DPH6: variants seen among roughly 807,000 people sequenced by gnomAD.
DPH6 encodes diphthamine biosynthesis 6.
Under a neutral mutation model 38.2 loss-of-function variants are expected in DPH6, and 33 were observed. That is an observed-to-expected ratio of 0.86 (90% confidence interval 0.65 to 1.15). DPH6 has a LOEUF of 1.15. Ranked by LOEUF, DPH6 falls within the 50% of genes most tolerant of loss-of-function variation. The pLI, the probability that DPH6 is intolerant of heterozygous loss-of-function variation, is 0.00. For missense variants in DPH6, 325 were observed against 320.0 expected, an observed-to-expected ratio of 1.02 and a Z score of -0.12; for synonymous variants, 108 against 103.0, an observed-to-expected ratio of 1.05 and a Z score of -0.30.
the DPH6 span, among the ~76,000 whole-genome samples, chr15:35,166,260 C>T: frequency 1.3e-5 from 2 of 151,816 alleles, no homozygotes; most frequent in Non-Finnish European, 2.9e-5. Flanking sequence ...AACTAACAGG[C>T]CTTCCTAGGC....
At chr15:35,428,356 A>T (rs2053594061) in intron 5 of DPH6, among the ~76,000 whole-genome samples, 1 of 152,174 alleles carries the variant, frequency 6.6e-6, no homozygotes, top group African/African-American at 2.4e-5. Context: ...GAAATTATCT[A>T]ATGGAGGCAA....
intron 3 of DPH6, among the ~76,000 whole-genome samples, chr15:35,254,734 A>G (rs2622754): frequency 0.61 from 91,689 of 150,702 alleles, 29,276 homozygotes; most frequent in Non-Finnish European, 0.73. Context: ...TGTTTATTTC[A>G]CCTGGGTGCA....
chr15:35,361,020 T>A (rs1196637020), intron 3 of DPH6, among the ~76,000 whole-genome samples: 2 of 152,172 alleles, frequency 1.3e-5, no homozygotes, highest in Admixed American at 1.3e-4. Flanking sequence ...TTTGTTGGCC[T>A]TCTAATGAAG....
chr15:35,293,167 G>A (rs2051990944), intron 3 of DPH6, among the ~76,000 whole-genome samples: 1 of 152,162 alleles, frequency 6.6e-6, no homozygotes. Context: ...GCAGCTTTCT[G>A]TGTAATTAAC....
At chr15:35,240,521 C>T (rs1208027965) in intron 3 of DPH6, among the ~76,000 whole-genome samples, 1 of 143,282 alleles carries the variant, frequency 7.0e-6, no homozygotes, top group African/African-American at 2.5e-5. Context: ...ATCTTTTTAT[C>T]GCCTCCCCTC....
intron 3 of DPH6, among the ~76,000 whole-genome samples, chr15:35,260,994 A>G (rs1216402186): frequency 6.6e-6 from 1 of 152,164 alleles, no homozygotes; most frequent in African/African-American, 2.4e-5. Context: ...CCATTCTTAT[A>G]GTTATTCATG....
At chr15:35,444,967 A>C (rs907472355) in intron 5 of DPH6, among the ~76,000 whole-genome samples, 1 of 152,210 alleles carries the variant, frequency 6.6e-6, no homozygotes, top group African/African-American at 2.4e-5. Flanking sequence ...ACTGTGGTAC[A>C]TTAGTAAAAT....
At chr15:35,533,621 T>C (rs2055120974) in intron 3 of DPH6, among the ~76,000 whole-genome samples, 2 of 151,916 alleles carry the variant, frequency 1.3e-5, no homozygotes, top group South Asian at 4.1e-4. Flanking sequence ...TAGTTATCTT[T>C]AGATTGCTGT....
intron 3 of DPH6, among the ~76,000 whole-genome samples, chr15:35,332,659 A>G (rs2052334741): frequency 1.3e-5 from 2 of 152,176 alleles, no homozygotes; most frequent in Non-Finnish European, 2.9e-5. Context: ...GTACTTAGTA[A>G]TATTCAATAA....
intron 3 of DPH6, among the ~76,000 whole-genome samples, chr15:35,479,402 G>T (rs752248286): frequency 1.3e-5 from 2 of 152,190 alleles, no homozygotes; most frequent in African/African-American, 2.4e-5. Context: ...TTTTAGTCAA[G>T]AATTAATCTG....
chr15:35,524,362 A>C (rs2054967626), intron 3 of DPH6, among the ~76,000 whole-genome samples: 1 of 152,128 alleles, frequency 6.6e-6, no homozygotes, highest in Admixed American at 6.6e-5. Flanking sequence ...TTATTCTGAG[A>C]GCTCTGAAAC....
At chr15:35,499,385 A>G (rs1243083847) in intron 3 of DPH6, among the ~76,000 whole-genome samples, 2 of 152,046 alleles carry the variant, frequency 1.3e-5, no homozygotes, top group Non-Finnish European at 2.9e-5. Flanking sequence ...TTACAAATGC[A>G]TTATTGGGCT....
chr15:35,434,049 G>A (rs776123419), intron 5 of DPH6, among the ~76,000 whole-genome samples: 3 of 152,100 alleles, frequency 2.0e-5, no homozygotes, highest in Non-Finnish European at 2.9e-5. Context: ...GCATCTTGCC[G>A]TGAAAATGTT....
rs2140994166 is a variant in DPH6 at position 35,410,858 on chromosome 15, G to A, written c.544C>T (p.Gln182Ter). The change falls in exon 6 of 9, where the codon CAA (glutamine) becomes TAA (stop). Residue 182 changes from glutamine to a stop codon, truncating the protein, a stop_gained. Transcript: ENST00000256538. LOFTEE classifies it high-confidence loss of function. ...PDKHLGKTLD[Q>*]MEPYLIELSK... is the part of the protein sequence containing the mutation. ...ACCTCTATGAGATAAGGCTCCATTT[G>A]ATCCAGGGTTTTCCCAAGATGCTTA... 1 of 1,604,040 alleles carries A rather than the reference G, an allele frequency of 6.2e-7. No homozygotes were observed. The highest frequency in any genetic ancestry group is 8.5e-7 in the Non-Finnish European group (1 of 1,175,114).
chr15:35,420,135 T>C (rs1013780776), intron 5 of DPH6, among the ~76,000 whole-genome samples: 4 of 152,028 alleles, frequency 2.6e-5, no homozygotes, highest in African/African-American at 4.8e-5. Flanking sequence ...GGAAGAATCA[T>C]GGAAAATTGA....
intron 5 of DPH6, among the ~76,000 whole-genome samples, chr15:35,439,170 T>G (rs959537687): frequency 7.2e-5 from 11 of 152,330 alleles, no homozygotes; most frequent in South Asian, 4.1e-4. Context: ...AGGGTTGATA[T>G]TAATAGCTGA....
At chr15:35,494,207 A>G (rs1411000123) in intron 3 of DPH6, among the ~76,000 whole-genome samples, 2 of 152,154 alleles carry the variant, frequency 1.3e-5, no homozygotes, top group African/African-American at 4.8e-5. Context: ...AGTTATTATT[A>G]CTATTTAATA....
In DPH6 at chr15:35,467,573, C is replaced by G. The variant is rs563041213; in HGVS notation, c.313-12753G>C. On this transcript the variant is annotated intron_variant, in intron 3 of 8. Transcript: ENST00000256538. The stretch of plus-strand genomic sequence containing the variant: ...AGGGTGAGACTCCATCTCGAACAAA[C>G]AAAGAAACAAAACAAACAAAAAAAA... Among the ~76,000 whole-genome samples, 103 of 152,204 alleles carry G rather than the reference C, an allele frequency of 6.8e-4. 2 individuals carry two copies. Among genetic ancestry groups the G allele is most frequent in the Middle Eastern group, 3.4e-3 (1 of 294 alleles).
At chr15:35,289,701 A>G (rs966785966) in intron 3 of DPH6, among the ~76,000 whole-genome samples, 2 of 152,250 alleles carry the variant, frequency 1.3e-5, no homozygotes, top group African/African-American at 2.4e-5. Context: ...TATTTTGCTG[A>G]AAGCAAATAA....
Sources: allele counts gnomAD v4.1 joint callset (sites outside exome capture counted in the v4.1 genomes callset), GRCh38; gene constraint gnomAD v4.1.1; transcripts MANE v1.5; gene names NCBI Gene and HGNC (gene_info 2026-07-23, HGNC 2026-07-21).